The following BMERB1 variants were observed in gnomAD, a reference collection of about 807,000 sequenced individuals.
BMERB1 encodes the protein bMERB domain containing 1, also known as bMERB domain-containing protein 1.
A neutral mutation model predicts 23.6 loss-of-function variants in BMERB1; 12 were observed. The ratio of observed to expected loss-of-function variants is 0.51; its 90% CI spans 0.33 to 0.82. The LOEUF (loss-of-function observed/expected upper bound fraction) is 0.82, where lower values mean the gene tolerates loss of function less well. Ranked by LOEUF, BMERB1 falls within the 40% of genes least tolerant of loss-of-function variation. The pLI is 0.03. For synonymous variants in BMERB1, 122 were observed against 96.6 expected (o/e 1.26, Z -1.54); for missense variants, 247 against 255.4 (o/e 0.97, Z 0.22).
At chr16:15,439,531 G>A (rs969322829) in intron 1 of BMERB1, among the ~76,000 whole-genome samples, 2 of 152,046 alleles carry the variant, frequency 1.3e-5, no homozygotes, top group African/African-American at 4.8e-5. Flanking sequence ...AGTAAATTCT[G>A]GTTAATGATT....
intron 1 of BMERB1, among the ~76,000 whole-genome samples, chr16:15,444,983 A>C (rs2050976765): frequency 6.6e-6 from 1 of 151,974 alleles, no homozygotes; most frequent in Admixed American, 6.6e-5. Flanking sequence ...GCAAGCCTCA[A>C]CCTCCTGCCT....
chr16:15,489,419 C>G (rs763390958), intron 1 of BMERB1, among the ~76,000 whole-genome samples: 1 of 152,104 alleles, frequency 6.6e-6, no homozygotes, highest in Non-Finnish European at 1.5e-5. Flanking sequence ...AATTGCTGTT[C>G]CTCCCATTGG....
At chr16:15,473,550 C>T (rs1161880528) in intron 1 of BMERB1, among the ~76,000 whole-genome samples, 1 of 152,004 alleles carries the variant, frequency 6.6e-6, no homozygotes, top group Non-Finnish European at 1.5e-5. Flanking sequence ...GCCTCAGCCT[C>T]CCAAAGTGCT....
chr16:15,533,062 G>A (rs1021001216), intron 2 of BMERB1: 10 of 454,890 alleles, frequency 2.2e-5, no homozygotes, highest in Admixed American at 1.4e-4. Context: ...CATGCATCCA[G>A]TATCTCGCAG....
chr16:15,528,119 A>T (rs2051927577), intron 2 of BMERB1, among the ~76,000 whole-genome samples: 1 of 152,152 alleles, frequency 6.6e-6, no homozygotes, highest in African/African-American at 2.4e-5. Flanking sequence ...AAAATTCCTT[A>T]GACTGGGTAA....
At chr16:15,575,867 A>C (rs1183670876) in intron 3 of BMERB1, among the ~76,000 whole-genome samples, 1 of 151,826 alleles carries the variant, frequency 6.6e-6, no homozygotes, top group Admixed American at 6.6e-5. Flanking sequence ...TTCTCATGTG[A>C]CACACAGAAA....
chr16:15,494,877 C>CTTTTTTTTTTTTTTT (rs754135430), intron 1 of BMERB1, among the ~76,000 whole-genome samples: 12 of 95,176 alleles, frequency 1.3e-4, no homozygotes, highest in East Asian at 3.6e-4. Flanking sequence ...TTTTTTTTAT[C>CTTTTTTTTTTTTTTT]TTTTTTTTTT....
At chr16:15,506,891 A>G (rs2051598032) in intron 1 of BMERB1, among the ~76,000 whole-genome samples, 1 of 152,168 alleles carries the variant, frequency 6.6e-6, no homozygotes, top group African/African-American at 2.4e-5. Flanking sequence ...AGCGAGTAGC[A>G]GGATCTAGAC....
At chr16:15,506,376 C>T (rs1345182027) in intron 1 of BMERB1, among the ~76,000 whole-genome samples, 3 of 151,916 alleles carry the variant, frequency 2.0e-5, no homozygotes, top group East Asian at 1.9e-4. Flanking sequence ...AGGGTTTCAC[C>T]GTGTTAGCCA....
chr16:15,576,579 A>C (rs1024683286), intron 3 of BMERB1, among the ~76,000 whole-genome samples: 4 of 152,074 alleles, frequency 2.6e-5, no homozygotes, highest in African/African-American at 4.8e-5. Context: ...TGCCTAACAA[A>C]TTGGTGCAAA....
At chr16:15,475,622 C>G (rs1298651302) in intron 1 of BMERB1, among the ~76,000 whole-genome samples, 1 of 152,176 alleles carries the variant, frequency 6.6e-6, no homozygotes, top group Non-Finnish European at 1.5e-5. Flanking sequence ...ACCAGGGAAG[C>G]TCACTCAAGC....
At chr16:15,586,292 AG>A (rs1253934478) in intron 5 of BMERB1, among the ~76,000 whole-genome samples, 2 of 152,198 alleles carry the variant, frequency 1.3e-5, no homozygotes, top group Admixed American at 6.5e-5. Context: ...AGAGAATGGG[AG>A]GTGGAGGTAT....
intron 1 of BMERB1, among the ~76,000 whole-genome samples, chr16:15,488,234 T>C (rs2051384173): frequency 6.6e-6 from 1 of 152,200 alleles, no homozygotes; most frequent in South Asian, 2.1e-4. Flanking sequence ...GCTTTATTTA[T>C]AGATGCTGAA....
chr16:15,507,026 A>G (rs78326355), intron 1 of BMERB1, among the ~76,000 whole-genome samples: 2,120 of 152,326 alleles, frequency 0.014, 56 homozygotes, highest in African/African-American at 0.049. Flanking sequence ...GGCTCCGGTA[A>G]ACACCCAAAA....
chr16:15,470,176 T>C (rs1392309565), intron 1 of BMERB1, among the ~76,000 whole-genome samples: 1 of 152,156 alleles, frequency 6.6e-6, no homozygotes, highest in Non-Finnish European at 1.5e-5. Context: ...CTGAGACTTT[T>C]TGTACTACAT....
intron 3 of BMERB1, among the ~76,000 whole-genome samples, chr16:15,568,990 C>T (rs556121460): frequency 2.0e-5 from 3 of 152,078 alleles, no homozygotes; most frequent in African/African-American, 7.2e-5. Flanking sequence ...GCTGAGAGGG[C>T]AGATCACTTG....
At chr16:15,517,985 G>A (rs1465587926) in intron 2 of BMERB1, among the ~76,000 whole-genome samples, 2 of 145,996 alleles carry the variant, frequency 1.4e-5, no homozygotes, top group East Asian at 1.9e-4. Context: ...GCGTGTGGAT[G>A]TGTGTGCATG....
intron 1 of BMERB1, among the ~76,000 whole-genome samples, chr16:15,459,528 CAA>C (rs1359519517): frequency 3.3e-5 from 5 of 151,932 alleles, no homozygotes; most frequent in African/African-American, 1.2e-4. Flanking sequence ...TTACTAGAGA[CAA>C]AGAGGGACAT....
chr16:15,496,731 G>T (rs1260985273), intron 1 of BMERB1, among the ~76,000 whole-genome samples: 1 of 152,044 alleles, frequency 6.6e-6, no homozygotes, highest in East Asian at 1.9e-4. Flanking sequence ...GTAGAGACGG[G>T]GTTTCACCAT....
Sources: gnomAD v4.1 joint callset for allele counts (sites outside exome capture counted in the v4.1 genomes callset) on GRCh38, gnomAD v4.1.1 for gene constraint, MANE v1.5 for transcripts, NCBI Gene and HGNC (gene_info 2026-07-23, HGNC 2026-07-21) for gene names.